Variants in OPRD1 observed in about 807,000 individuals in gnomAD.
OPRD1 encodes the protein delta-type opioid receptor.
In OPRD1, 19 loss-of-function variants were observed where a neutral mutation model predicts 17.5. That is an observed-to-expected ratio of 1.09 (90% CI 0.76 to 1.60). The LOEUF is 1.60. Among genes scored for constraint, OPRD1 ranks in the 40% most tolerant of loss-of-function variants. OPRD1 has a pLI of 0.00. For missense variants in OPRD1, 483 were observed against 547.2 expected, an observed-to-expected ratio of 0.88 and a Z score of 1.17; for synonymous variants, 256 against 240.9, an observed-to-expected ratio of 1.06 and a Z score of -0.58.
chr1:28,825,547 G>A (rs1198271096), intron 1 of OPRD1, among the ~76,000 whole-genome samples: 2 of 152,092 alleles, frequency 1.3e-5, no homozygotes, highest in African/African-American at 2.4e-5. Context: ...CACCACATCC[G>A]GCTAATTTTT....
Position 28,863,253 on chromosome 1 carries a change from C to T in OPRD1, c.1089C>T (p.Ser363=). The change falls in exon 3 of 3, where the codon TCC becomes TCT. Residue 363 remains serine (S), a synonymous_variant. Transcript: ENST00000234961. ...AGCGTGTCACCGCCTGCACCCCGTC[C>T]GATGGTCCCGGCGGTGGCGCTGCCG... ...ARERVTACTP[S]DGPGGGAAA 1 of 1,511,310 alleles carries T rather than the reference C, an allele frequency of 6.6e-7. No individual in the cohort carries two copies. The highest frequency in any genetic ancestry group is 8.8e-7 in the Non-Finnish European group (1 of 1,139,872). The allele number at this position is 1,511,310 out of a possible 1,614,324, so 93.6% of individuals were successfully genotyped here.
At chr1:28,812,734 T>C (rs2088643145) in intron 1 of OPRD1, 124 bp downstream of exon 1, 7 of 869,976 alleles carry the variant, frequency 8.0e-6, no homozygotes, top group Non-Finnish European at 1.1e-5. Context: ...CAGGGGCACC[T>C]GGGGCCCAGC....
At chr1:28,836,843 C>T (rs1441764793) in intron 1 of OPRD1, among the ~76,000 whole-genome samples, 1 of 152,086 alleles carries the variant, frequency 6.6e-6, no homozygotes, top group African/African-American at 2.4e-5. Context: ...GCCACCATGC[C>T]CAGCTATTTT....
In OPRD1 at chr1:28,865,253, C is replaced by T. The variant is rs1176351818; in HGVS notation, c.*1970C>T. On this transcript the variant is annotated 3_prime_UTR_variant, in exon 3 of 3. Coordinates refer to ENST00000234961, the MANE Select transcript of OPRD1 (RefSeq NM_000911.4). Reference sequence around the variant, plus strand: ...CTGCCTCAGTAATGCACCCCTGACTCCCTATTGAAGCAGTGTGCTGACATC... The same window carrying T: ...CTGCCTCAGTAATGCACCCCTGACTTCCTATTGAAGCAGTGTGCTGACATC... 6.6e-6 allele frequency: 1 copy of T among 152,352 alleles called. No individual in the cohort carries two copies. Among genetic ancestry groups the T allele is most frequent in the African/African-American group, 2.4e-5 (1 of 41,430 alleles). 9.4% of individuals were successfully genotyped at this position (152,352 alleles called of 1,614,324 possible). A position where few individuals can be genotyped will look rare whatever the true frequency, so the allele number is the denominator to read the frequency against.
intron 1 of OPRD1, among the ~76,000 whole-genome samples, chr1:28,848,343 A>G (rs1248679790): frequency 6.6e-6 from 1 of 152,070 alleles, no homozygotes; most frequent in Non-Finnish European, 1.5e-5. Context: ...AGTTCATAGC[A>G]CACCTCCTCA....
At chr1:28,835,312 C>T (rs1348369293) in intron 1 of OPRD1, among the ~76,000 whole-genome samples, 1 of 152,178 alleles carries the variant, frequency 6.6e-6, no homozygotes, top group East Asian at 1.9e-4. Flanking sequence ...CTGAGGTGAA[C>T]GAGGCATCTG....
chr1:28,848,315 T>C (rs2088970712), intron 1 of OPRD1, among the ~76,000 whole-genome samples: 2 of 152,010 alleles, frequency 1.3e-5, no homozygotes, highest in Non-Finnish European at 2.9e-5. Flanking sequence ...AGTATATGAA[T>C]TTGAGGGAAC....
chr1:28,822,533 T>C (rs1334981000), intron 1 of OPRD1, among the ~76,000 whole-genome samples: 1 of 151,972 alleles, frequency 6.6e-6, no homozygotes, highest in Non-Finnish European at 1.5e-5. Context: ...CAGGTTGGAG[T>C]GCAGTGGCGC....
intron 1 of OPRD1, among the ~76,000 whole-genome samples, chr1:28,845,317 C>G (rs1338195140): frequency 6.6e-6 from 1 of 151,634 alleles, no homozygotes; most frequent in Non-Finnish European, 1.5e-5. Context: ...AACCCTGTCT[C>G]TACTAAAAAT....
chr1:28,812,931 T>C (rs2088645067), intron 1 of OPRD1, among the ~76,000 whole-genome samples: 2 of 152,006 alleles, frequency 1.3e-5, no homozygotes, highest in Admixed American at 1.3e-4. Flanking sequence ...AGTTTGTGAG[T>C]GGATGGTTGT....
Position 28,846,858 on chromosome 1 carries a change from C to CTTTT in OPRD1, c.228-12093_228-12092insTTTT, listed in dbSNP as rs367638096. Among the ~76,000 whole-genome samples, 5 of 54,434 alleles carry CTTTT rather than the reference C, an allele frequency of 9.2e-5. No homozygotes were observed. In the South Asian group the frequency reaches 6.0e-3, roughly 65 times the overall value. 35.7% of individuals were successfully genotyped at this position (54,434 alleles called of 152,430 possible). On this transcript the variant is annotated intron_variant, in intron 1 of 2. Transcript: ENST00000234961. ...CTTTCTTTCTTTCTTTTCTTTCTTT[C>CTTTT]TTTCTTTCTTTCTTTCTTTCTTTCT...
chr1:28,861,993 A>G (rs1385963484), intron 2 of OPRD1, among the ~76,000 whole-genome samples: 2 of 146,358 alleles, frequency 1.4e-5, no homozygotes, highest in African/African-American at 5.1e-5. Flanking sequence ...CTCACTGCAA[A>G]CTCCACCTCC....
chr1:28,861,571 A>G (rs2089121458), intron 2 of OPRD1, among the ~76,000 whole-genome samples: 1 of 152,036 alleles, frequency 6.6e-6, no homozygotes, highest in African/African-American at 2.4e-5. Context: ...CAGCCCCCCA[A>G]GTAGCTGGGA....
At chr1:28,818,080 C>T (rs1025070203) in intron 1 of OPRD1, among the ~76,000 whole-genome samples, 3 of 152,134 alleles carry the variant, frequency 2.0e-5, no homozygotes, top group African/African-American at 7.2e-5. Flanking sequence ...TCAAAGAGAT[C>T]GAGCATGGAA....
intron 1 of OPRD1, among the ~76,000 whole-genome samples, chr1:28,825,675 C>T (rs2088761672): frequency 1.3e-5 from 2 of 152,226 alleles, no homozygotes; most frequent in Non-Finnish European, 2.9e-5. Flanking sequence ...TGAGCCACAG[C>T]GCCCAGCCCA....
At chr1:28,835,354 C>T (rs918833534) in intron 1 of OPRD1, among the ~76,000 whole-genome samples, 12 of 152,174 alleles carry the variant, frequency 7.9e-5, no homozygotes, top group Admixed American at 6.5e-4. Flanking sequence ...ACCTGGCTGG[C>T]CTCCCTGCTC....
In OPRD1 at chr1:28,866,603, C is replaced by T. The variant is rs575969789; in HGVS notation, c.*3320C>T. The T allele has an allele frequency of 9.2e-5, 14 of 152,232 alleles. No homozygotes were observed. Among genetic ancestry groups the T allele is most frequent in the African/African-American group, 3.4e-4 (14 of 41,534 alleles). The allele number at this position is 152,232 out of a possible 1,614,324, so 9.4% of individuals were successfully genotyped here. ...TTGCTCCTAAGTCACAGGGCCTGTT[C>T]GTAGTGGCAGAACTTGGGTCCCTGG... On this transcript the variant is annotated 3_prime_UTR_variant, in exon 3 of 3. Coordinates refer to ENST00000234961, the MANE Select transcript of OPRD1 (RefSeq NM_000911.4).
At chr1:28,826,188 A>G (rs1388820016) in intron 1 of OPRD1, among the ~76,000 whole-genome samples, 2 of 152,198 alleles carry the variant, frequency 1.3e-5, no homozygotes, top group Non-Finnish European at 2.9e-5. Flanking sequence ...CAAATATCTC[A>G]AAGCAAGTCA....
At chr1:28,846,829 C>A (rs1395082893) in intron 1 of OPRD1, among the ~76,000 whole-genome samples, 1 of 75,840 alleles carries the variant, frequency 1.3e-5, no homozygotes, top group Admixed American at 1.2e-4. Context: ...CATTTTCTTT[C>A]TTTCTTTCTT....
Sources: allele counts gnomAD v4.1 joint callset (sites outside exome capture counted in the v4.1 genomes callset), GRCh38; gene constraint gnomAD v4.1.1; transcripts MANE v1.5; gene names NCBI Gene and HGNC (gene_info 2026-07-23, HGNC 2026-07-21).